The following MACROD2 variants were observed in gnomAD, a reference collection of about 807,000 sequenced individuals.
The protein encoded by MACROD2 is ADP-ribose glycohydrolase MACROD2.
Under a neutral mutation model 70.4 loss-of-function variants are expected in MACROD2, and 36 were observed. The ratio of observed to expected loss-of-function variants is 0.51; its 90% CI spans 0.39 to 0.68. The LOEUF is 0.68. Ranked by LOEUF, MACROD2 falls within the 30% of genes least tolerant of loss-of-function variation. MACROD2 has a pLI of 0.00. For missense variants in MACROD2, 496 were observed against 538.4 expected, an observed-to-expected ratio of 0.92 and a Z score of 0.78; for synonymous variants, 172 against 178.8, an observed-to-expected ratio of 0.96 and a Z score of 0.30.
intron 4 of MACROD2, among the ~76,000 whole-genome samples, chr20:14,575,692 A>G (rs1195409718): frequency 6.6e-6 from 1 of 152,238 alleles, no homozygotes; most frequent in Non-Finnish European, 1.5e-5. Context: ...TGTACATTTT[A>G]TAAATAAAAT....
At chr20:14,969,586 A>G (rs2074672193) in intron 5 of MACROD2, among the ~76,000 whole-genome samples, 1 of 152,120 alleles carries the variant, frequency 6.6e-6, no homozygotes, top group East Asian at 1.9e-4. Flanking sequence ...AAAATATATA[A>G]AGACATTAAT....
intron 3 of MACROD2, among the ~76,000 whole-genome samples, chr20:14,362,923 T>A (rs1568577393): frequency 1.3e-5 from 2 of 152,188 alleles, no homozygotes; most frequent in South Asian, 2.1e-4. Flanking sequence ...TATAAGTACA[T>A]ATAATTTAAT....
intron 5 of MACROD2, among the ~76,000 whole-genome samples, chr20:14,690,857 C>G (rs576797204): frequency 3.3e-5 from 5 of 152,302 alleles, no homozygotes; most frequent in African/African-American, 1.2e-4. Context: ...TGTTCACTAT[C>G]CAGCCTCTGT....
intron 3 of MACROD2, among the ~76,000 whole-genome samples, chr20:14,452,831 C>G (rs1254480229): frequency 2.0e-5 from 3 of 151,974 alleles, no homozygotes; most frequent in African/African-American, 4.8e-5. Flanking sequence ...CCATTTTTGC[C>G]TTGGAAATCA....
At chr20:15,585,307 C>T (rs899911537) in intron 8 of MACROD2, among the ~76,000 whole-genome samples, 2 of 151,604 alleles carry the variant, frequency 1.3e-5, no homozygotes, top group Admixed American at 1.3e-4. Context: ...AAGCAATTCT[C>T]TGCCTCAGCC....
At chr20:14,258,174 T>C (rs1237128253) in intron 3 of MACROD2, among the ~76,000 whole-genome samples, 1 of 152,200 alleles carries the variant, frequency 6.6e-6, no homozygotes, top group African/African-American at 2.4e-5. Context: ...TTTACAATTG[T>C]GAATTGTGCT....
intron 5 of MACROD2, among the ~76,000 whole-genome samples, chr20:14,990,226 A>G (rs1040959591): frequency 6.6e-6 from 1 of 152,106 alleles, no homozygotes; most frequent in Non-Finnish European, 1.5e-5. Flanking sequence ...GATCAGCCTC[A>G]TATTTAATAT....
chr20:15,614,585 T>G (rs1180340032), intron 8 of MACROD2, among the ~76,000 whole-genome samples: 1 of 152,130 alleles, frequency 6.6e-6, no homozygotes, highest in Non-Finnish European at 1.5e-5. Flanking sequence ...ACATCTAAAT[T>G]TTAACGTAAA....
intron 5 of MACROD2, among the ~76,000 whole-genome samples, chr20:14,722,305 T>C (rs554561441): frequency 3.3e-5 from 5 of 152,294 alleles, no homozygotes; most frequent in African/African-American, 1.2e-4. Context: ...TGGGAGGAAC[T>C]ACAATGTCAT....
intron 6 of MACROD2, among the ~76,000 whole-genome samples, chr20:15,397,454 C>T (rs2045874386): frequency 6.6e-6 from 1 of 150,930 alleles, no homozygotes; most frequent in East Asian, 1.9e-4. Flanking sequence ...GCCACCACAC[C>T]TGGCTAATGT....
chr20:14,100,351 TTGA>T lies in MACROD2; in HGVS notation c.271+14625_271+14627del, dbSNP rs1245948397. 2.2e-4 allele frequency among the ~76,000 whole-genome samples: 34 copies of T among 151,700 alleles called. No individual in the cohort carries two copies. In the South Asian group the frequency reaches 6.9e-3, roughly 31 times the overall value. ...ATCTTAAAGTCACATTCAAAATAGG[TTGA>T]TATTAATAGTTTGCTTTTGCATCGT... On this transcript the variant is annotated intron_variant, in intron 3 of 17. Coordinates refer to ENST00000684519, the MANE Select transcript of MACROD2 (RefSeq NM_001351661.2).
intron 8 of MACROD2, among the ~76,000 whole-genome samples, chr20:15,797,866 T>C (rs1235352763): frequency 6.6e-6 from 1 of 152,222 alleles, no homozygotes; most frequent in African/African-American, 2.4e-5. Context: ...AATGTGCATT[T>C]CTAACAAGTT....
At chr20:15,114,969 A>G (rs1022969754) in intron 5 of MACROD2, among the ~76,000 whole-genome samples, 1 of 152,182 alleles carries the variant, frequency 6.6e-6, no homozygotes, top group South Asian at 2.1e-4. Context: ...GACTGATCCC[A>G]GCAGTGTTGC....
At chr20:15,478,933 G>T (rs562755442) in intron 7 of MACROD2, among the ~76,000 whole-genome samples, 1 of 152,222 alleles carries the variant, frequency 6.6e-6, no homozygotes, top group South Asian at 2.1e-4. Flanking sequence ...TCTAAGACTG[G>T]CTCATCAAGG....
At chr20:14,812,976 A>C (rs185467376) in intron 5 of MACROD2, among the ~76,000 whole-genome samples, 79 of 152,202 alleles carry the variant, frequency 5.2e-4, no homozygotes, top group African/African-American at 1.8e-3. Context: ...CTCAGGTTTT[A>C]TGAATTTGCT....
intron 5 of MACROD2, among the ~76,000 whole-genome samples, chr20:14,777,512 CA>C (rs2072248869): frequency 2.0e-5 from 3 of 152,082 alleles, no homozygotes; most frequent in Admixed American, 2.0e-4. Context: ...CAGTCCTTAA[CA>C]GCTGTGGATT....
At chr20:14,080,385 G>A (rs1201994222) in intron 2 of MACROD2, among the ~76,000 whole-genome samples, 1 of 140,524 alleles carries the variant, frequency 7.1e-6, no homozygotes, top group Non-Finnish European at 1.5e-5. Flanking sequence ...AGAACTTGCA[G>A]TGAGCCGAGA....
intron 3 of MACROD2, among the ~76,000 whole-genome samples, chr20:14,139,270 G>A (rs1375237331): frequency 6.6e-6 from 1 of 152,142 alleles, no homozygotes; most frequent in Admixed American, 6.5e-5. Flanking sequence ...GATTACAGGC[G>A]TGAGCCATTC....
intron 5 of MACROD2, among the ~76,000 whole-genome samples, chr20:15,096,055 A>G (rs1009002782): frequency 1.3e-5 from 2 of 152,114 alleles, no homozygotes; most frequent in Non-Finnish European, 2.9e-5. Flanking sequence ...TTTTCCCCCC[A>G]GGTGGACAAT....
Sources: allele counts gnomAD v4.1 joint callset (sites outside exome capture counted in the v4.1 genomes callset), GRCh38; gene constraint gnomAD v4.1.1; transcripts MANE v1.5; gene names NCBI Gene and HGNC (gene_info 2026-07-23, HGNC 2026-07-21).